The following MIPOL1 variants were observed in gnomAD, a reference collection of about 807,000 sequenced individuals.
The protein encoded by MIPOL1 is mirror-image polydactyly 1.
MIPOL1 carries 57 observed loss-of-function variants against 60.9 expected under a neutral mutation model. The ratio of observed to expected loss-of-function variants is 0.94; its 90% confidence interval spans 0.76 to 1.17. The LOEUF (loss-of-function observed/expected upper bound fraction) is 1.17. Ranked by LOEUF, MIPOL1 falls within the 50% of genes most tolerant of loss-of-function variation. The pLI, the probability that MIPOL1 is intolerant of heterozygous loss-of-function variation, is 0.00. For synonymous variants in MIPOL1, 179 were observed against 168.8 expected, an observed-to-expected ratio of 1.06 and a Z score of -0.47; for missense variants, 551 against 511.6, an observed-to-expected ratio of 1.08 and a Z score of -0.74.
At chr14:37,293,766 G>A in intron 7 of MIPOL1, among the ~76,000 whole-genome samples, 1 of 152,214 alleles carries the variant, frequency 6.6e-6, no homozygotes, top group East Asian at 1.9e-4. Context: ...TTGGTGGGGG[G>A]TGCCCGCCAT....
At chr14:37,523,527 C>A in intron 12 of MIPOL1, 1 of 426,252 alleles carries the variant, frequency 2.3e-6, no homozygotes, top group East Asian at 3.5e-5. Context: ...GAGAAAAATT[C>A]CTAATGGATA....
intron 11 of MIPOL1, among the ~76,000 whole-genome samples, chr14:37,457,451 A>G (rs1367968792): frequency 2.0e-5 from 3 of 152,172 alleles, no homozygotes; most frequent in African/African-American, 7.2e-5. Context: ...TCTTGGTTTC[A>G]CAAAACACTT....
At chr14:37,224,529 C>T (rs1409686923) in intron 1 of MIPOL1, among the ~76,000 whole-genome samples, 2 of 152,134 alleles carry the variant, frequency 1.3e-5, no homozygotes, top group Non-Finnish European at 2.9e-5. Context: ...AAAGGGATTT[C>T]CCCTTATAGA....
In MIPOL1 at chr14:37,527,218, GT is replaced by G. The variant is rs1041789515; in HGVS notation, c.1263-19678del. On this transcript the variant is annotated intron_variant, in intron 12 of 12. Coordinates refer to ENST00000684589, the MANE Select transcript of MIPOL1 (RefSeq NM_001388067.1). Reference sequence around the variant, plus strand: ...GTTTTTCCTGTTTGAAATTTTGCATGTTTTTTTTTAACAGAGAGGTTTTATT... The same window carrying G: ...GTTTTTCCTGTTTGAAATTTTGCATGTTTTTTTTAACAGAGAGGTTTTATT... Among the ~76,000 whole-genome samples, 132 of 150,080 alleles carry G rather than the reference GT, an allele frequency of 8.8e-4. No individual in the cohort carries two copies. In the Middle Eastern group the frequency reaches 0.034, roughly 39 times the overall value.
intron 9 of MIPOL1, among the ~76,000 whole-genome samples, chr14:37,316,508 G>A (rs1438954396): frequency 2.0e-5 from 3 of 151,868 alleles, no homozygotes; most frequent in Non-Finnish European, 4.4e-5. Context: ...AGTGCAGACA[G>A]TGAATACAAC....
chr14:37,232,364 C>T (rs939126455), intron 1 of MIPOL1, among the ~76,000 whole-genome samples: 3 of 151,994 alleles, frequency 2.0e-5, no homozygotes, highest in Non-Finnish European at 4.4e-5. Flanking sequence ...ACTCTCTGTC[C>T]CTTATTAGTA....
intron 3 of MIPOL1, among the ~76,000 whole-genome samples, chr14:37,251,369 C>T (rs1044292186): frequency 1.3e-5 from 2 of 151,834 alleles, no homozygotes; most frequent in Non-Finnish European, 2.9e-5. Flanking sequence ...TATCTAGCCC[C>T]CAAGTTTCTT....
chr14:37,200,848 CTA>C lies in MIPOL1; in HGVS notation c.-199+2746_-199+2747del, dbSNP rs1448586002. On this transcript the variant is annotated intron_variant, in intron 1 of 12. Transcript: ENST00000684589. The stretch of plus-strand genomic sequence containing the variant: ...TATAGATCCATAATACTATATCTAT[CTA>C]TGTGTGTGTGTGTGTGTGTGTGTGT... Among the ~76,000 whole-genome samples the C allele has an allele frequency of 5.6e-4, 53 of 94,872 alleles. 1 individual carries two copies. The East Asian group carries it at 0.011, about 20-fold the overall frequency. 62.2% of individuals were successfully genotyped at this position (94,872 alleles called of 152,430 possible).
intron 11 of MIPOL1, among the ~76,000 whole-genome samples, chr14:37,471,044 A>T (rs1164332746): frequency 6.6e-6 from 1 of 152,184 alleles, no homozygotes; most frequent in East Asian, 1.9e-4. Context: ...ATTCACCACT[A>T]CACAATGTAT....
intron 11 of MIPOL1, among the ~76,000 whole-genome samples, chr14:37,496,632 C>T (rs1345804592): frequency 6.6e-6 from 1 of 150,530 alleles, no homozygotes; most frequent in East Asian, 2.0e-4. Context: ...CTACAAACCA[C>T]TGCTCAATGA....
At chr14:37,254,861 C>G (rs1974677459) in intron 3 of MIPOL1, among the ~76,000 whole-genome samples, 1 of 151,666 alleles carries the variant, frequency 6.6e-6, no homozygotes, top group Admixed American at 6.6e-5. Flanking sequence ...TCCCCCGTTT[C>G]TATTCTGTTG....
At chr14:37,360,170 C>T (rs557889107) in intron 9 of MIPOL1, among the ~76,000 whole-genome samples, 5 of 152,104 alleles carry the variant, frequency 3.3e-5, no homozygotes, top group East Asian at 1.9e-4. Flanking sequence ...GGGATGAAGC[C>T]GACTTGATCT....
intron 9 of MIPOL1, among the ~76,000 whole-genome samples, chr14:37,330,258 T>C (rs1160382999): frequency 6.6e-6 from 1 of 152,036 alleles, no homozygotes; most frequent in Non-Finnish European, 1.5e-5. Context: ...TTCAGAACGG[T>C]TCTTGAATTT....
At chr14:37,240,194 G>A (rs996684974) in intron 1 of MIPOL1, among the ~76,000 whole-genome samples, 3 of 152,040 alleles carry the variant, frequency 2.0e-5, no homozygotes, top group African/African-American at 7.2e-5. Flanking sequence ...GGTCTTCTTT[G>A]TTAGTATTTA....
Position 37,545,628 on chromosome 14 carries a change from A to C in MIPOL1, c.1263-1277A>C, listed in dbSNP as rs926586304. On this transcript the variant is annotated intron_variant, in intron 12 of 12. Coordinates refer to ENST00000684589, the MANE Select transcript of MIPOL1 (RefSeq NM_001388067.1). ...TAAAGCAAAGTTTTTTGATGCACTG[A>C]ATAATTTTGTTTTATTTTCCTGTTT... 3.0e-5 allele frequency: 19 copies of C among 637,806 alleles called. No homozygotes were observed. In the African/African-American group the frequency reaches 3.3e-4, roughly 11 times the overall value. The allele number at this position is 637,806 out of a possible 1,614,324, so 39.5% of individuals were successfully genotyped here. A position where few individuals can be genotyped will look rare whatever the true frequency, so the allele number is the denominator to read the frequency against.
At chr14:37,264,631 A>T (rs1022758926) in intron 3 of MIPOL1, among the ~76,000 whole-genome samples, 1 of 152,152 alleles carries the variant, frequency 6.6e-6, no homozygotes, top group African/African-American at 2.4e-5. Flanking sequence ...CTCTCAAAAA[A>T]AAAAATTGTG....
At chr14:37,292,660 C>G (rs2085208387) in intron 7 of MIPOL1, among the ~76,000 whole-genome samples, 1 of 151,486 alleles carries the variant, frequency 6.6e-6, no homozygotes, top group South Asian at 2.1e-4. Flanking sequence ...TTTGTACTTT[C>G]AGTAGCGATG....
At chr14:37,328,138 G>A (rs1471398705) in intron 9 of MIPOL1, among the ~76,000 whole-genome samples, 3 of 151,920 alleles carry the variant, frequency 2.0e-5, no homozygotes, top group African/African-American at 7.3e-5. Context: ...CCAGCCTCCC[G>A]AGTAGCTGGG....
chr14:37,384,317 C>G (rs568955152), intron 10 of MIPOL1, among the ~76,000 whole-genome samples: 1 of 151,794 alleles, frequency 6.6e-6, no homozygotes, highest in Admixed American at 6.6e-5. Flanking sequence ...TTATATAGCT[C>G]TGATATTAGT....
Sources: gnomAD v4.1 joint callset for allele counts (sites outside exome capture counted in the v4.1 genomes callset) on GRCh38, gnomAD v4.1.1 for gene constraint, MANE v1.5 for transcripts, NCBI Gene and HGNC (gene_info 2026-07-23, HGNC 2026-07-21) for gene names.